Variants in MYOM1 observed in about 807,000 individuals in gnomAD.
MYOM1 encodes the protein myomesin-1.
MYOM1 carries 164 observed loss-of-function variants against 205.3 expected under a neutral mutation model. The observed-to-expected ratio is 0.80, with a 90% confidence interval of 0.70 to 0.91. The LOEUF is 0.91. Ranked by LOEUF, MYOM1 falls within the 40% of genes least tolerant of loss-of-function variation. MYOM1 has a pLI of 0.00. For synonymous variants in MYOM1, 772 were observed against 789.4 expected, an observed-to-expected ratio of 0.98 and a Z score of 0.37; for missense variants, 2,011 against 2,127.3, an observed-to-expected ratio of 0.95 and a Z score of 1.08.
At chr18:3,160,077 TC>T (rs2080365610) in intron 10 of MYOM1, among the ~76,000 whole-genome samples, 1 of 129,588 alleles carries the variant, frequency 7.7e-6, no homozygotes, top group South Asian at 2.6e-4. Flanking sequence ...CTTCTTCTCT[TC>T]CTCCTCCTCC....
At chr18:3,188,693 C>CA in intron 4 of MYOM1, 55 bp downstream of exon 4, 2 of 1,389,238 alleles carry the variant, frequency 1.4e-6, no homozygotes, top group Non-Finnish European at 1.9e-6. Flanking sequence ...ACACACACAC[C>CA]CCTTATGACA....
At chr18:3,157,522 A>T (rs1259887822) in intron 10 of MYOM1, among the ~76,000 whole-genome samples, 5 of 151,666 alleles carry the variant, frequency 3.3e-5, no homozygotes, top group South Asian at 4.2e-4. Context: ...TATGCATTTT[A>T]AAAAAATAGC....
intron 6 of MYOM1, 70 bp from the exon 7 acceptor site, chr18:3,174,278 G>A: frequency 7.3e-7 from 1 of 1,370,906 alleles, no homozygotes; most frequent in Non-Finnish European, 1.0e-6. Context: ...GTTCTATCAA[G>A]GAACTCTTTG....
the MYOM1 span, among the ~76,000 whole-genome samples, chr18:3,242,815 A>G: frequency 6.6e-6 from 1 of 152,166 alleles, no homozygotes; most frequent in Non-Finnish European, 1.5e-5. Flanking sequence ...GACCTCGGGT[A>G]TGTCTTTATC....
At chr18:3,246,334 G>A in the MYOM1 span, 3 of 152,214 alleles carry the variant, frequency 2.0e-5, no homozygotes, top group Non-Finnish European at 4.4e-5. Context: ...TCGCCGATAA[G>A]AGCCCACTTA....
intron 31 of MYOM1, 25 bp downstream of exon 31, chr18:3,085,020 A>G: frequency 6.4e-7 from 1 of 1,555,150 alleles, no homozygotes; most frequent in Non-Finnish European, 8.8e-7. Flanking sequence ...CACACAAGAC[A>G]GACCCCAGCA....
intron 10 of MYOM1, among the ~76,000 whole-genome samples, chr18:3,157,707 TA>T (rs2080322572): frequency 6.8e-6 from 1 of 147,268 alleles, no homozygotes; most frequent in Non-Finnish European, 1.5e-5. Context: ...ATAATAATAA[TA>T]ATAATAATAA....
chr18:3,197,494 A>G (rs2081003728), intron 2 of MYOM1, among the ~76,000 whole-genome samples: 1 of 152,202 alleles, frequency 6.6e-6, no homozygotes, highest in South Asian at 2.1e-4. Flanking sequence ...AGTTCTATCC[A>G]TATACTACTG....
intron 10 of MYOM1, 43 bp from the exon 11 acceptor site, chr18:3,155,131 C>T (rs753134255): frequency 1.2e-5 from 19 of 1,557,006 alleles, no homozygotes; most frequent in Non-Finnish European, 1.5e-5. Flanking sequence ...CTCAGACATG[C>T]TGTCAGTCGG....
chr18:3,141,525 C>G (rs1260588954), intron 14 of MYOM1, among the ~76,000 whole-genome samples: 1 of 152,186 alleles, frequency 6.6e-6, no homozygotes, highest in East Asian at 1.9e-4. Context: ...TCCGTTACCC[C>G]CTCCCTTCTA....
chr18:3,078,539 C>A (rs1220464290), intron 34 of MYOM1, among the ~76,000 whole-genome samples: 1 of 152,102 alleles, frequency 6.6e-6, no homozygotes, highest in Non-Finnish European at 1.5e-5. Flanking sequence ...AAGTGATCAT[C>A]CTAGCTCAGC....
chr18:3,118,241 T>C (rs1273507273), intron 20 of MYOM1, among the ~76,000 whole-genome samples: 1 of 152,226 alleles, frequency 6.6e-6, no homozygotes, highest in Admixed American at 6.5e-5. Flanking sequence ...ACTCAGTAAG[T>C]CAAGGATGGG....
chr18:3,216,951 A>G (rs2081275432), intron 1 of MYOM1: 1 of 152,256 alleles, frequency 6.6e-6, no homozygotes. Flanking sequence ...AAATTAGGCC[A>G]TTAGGATGGG....
In MYOM1 at chr18:3,100,177, G is replaced by A; in HGVS notation, c.3709C>T (p.His1237Tyr). The change falls in exon 25 of 38, where the codon CAT becomes TAT. Residue 1237 changes from histidine to tyrosine, a missense_variant. By Grantham distance (83) the His-to-Tyr change is moderately conservative. Coordinates refer to ENST00000356443, the MANE Select transcript of MYOM1 (RefSeq NM_003803.4). Reference protein sequence around the residue: ...EELKRLLALSHEHKFPTVPVK... With the variant: ...EELKRLLALSYEHKFPTVPVK... The stretch of plus-strand genomic sequence containing the variant: ...TACTTACTTGGGAACTTGTGTTCAT[G>A]GCTGAGAGCAAGTAAACGTTTCAAT... 6.2e-6 allele frequency: 10 copies of A among 1,613,890 alleles called. No homozygotes were observed. Among genetic ancestry groups the A allele is most frequent in the Non-Finnish European group, 8.5e-6 (10 of 1,179,864 alleles).
intron 13 of MYOM1, among the ~76,000 whole-genome samples, chr18:3,145,658 T>C (rs1265202017): frequency 6.6e-6 from 1 of 152,030 alleles, no homozygotes; most frequent in Non-Finnish European, 1.5e-5. Context: ...TATTTAGCAC[T>C]AAATGCATGC....
At chr18:3,167,101 C>A (rs935846657) in intron 9 of MYOM1, among the ~76,000 whole-genome samples, 2 of 152,112 alleles carry the variant, frequency 1.3e-5, no homozygotes, top group South Asian at 4.2e-4. Context: ...GGGAGGCAGA[C>A]AAGTCAGAGA....
chr18:3,088,472 C>T (rs2079182076), intron 29 of MYOM1, among the ~76,000 whole-genome samples: 2 of 152,138 alleles, frequency 1.3e-5, no homozygotes, highest in African/African-American at 2.4e-5. Flanking sequence ...CACTGGGGCA[C>T]TTGGGTTCTG....
intron 37 of MYOM1, among the ~76,000 whole-genome samples, chr18:3,071,599 T>C (rs964139908): frequency 2.6e-5 from 4 of 152,148 alleles, no homozygotes; most frequent in Non-Finnish European, 4.4e-5. Context: ...CCTCAGGTGA[T>C]CCGCCCGCCT....
chr18:3,221,677 A>G (rs989961083), upstream of MYOM1, among the ~76,000 whole-genome samples: 1 of 152,252 alleles, frequency 6.6e-6, no homozygotes, highest in African/African-American at 2.4e-5. Flanking sequence ...TGAAATGGCA[A>G]TACGGGTCTT....
Sources: allele counts gnomAD v4.1 joint callset (sites outside exome capture counted in the v4.1 genomes callset), GRCh38; gene constraint gnomAD v4.1.1; transcripts MANE v1.5; gene names NCBI Gene and HGNC (gene_info 2026-07-23, HGNC 2026-07-21).